RAB3GAP2: variants seen among roughly 807,000 people sequenced by gnomAD.
RAB3GAP2 encodes rab3 GTPase-activating protein non-catalytic subunit.
RAB3GAP2 carries 87 observed loss-of-function variants against 185.3 expected under a neutral mutation model. The observed-to-expected ratio is 0.47, with a 90% confidence interval of 0.39 to 0.56. The LOEUF is 0.56. Ranked by LOEUF, RAB3GAP2 falls within the 20% of genes least tolerant of loss-of-function variation. The pLI, the probability that RAB3GAP2 is intolerant of heterozygous loss-of-function variation, is 0.00. For missense variants in RAB3GAP2, 1,492 were observed against 1,638.2 expected (o/e 0.91, Z 1.54); for synonymous variants, 554 against 576.1 (o/e 0.96, Z 0.55).
At chr1:220,197,470 C>G (rs776796452) in intron 9 of RAB3GAP2, among the ~76,000 whole-genome samples, 3 of 152,080 alleles carry the variant, frequency 2.0e-5, no homozygotes, top group Non-Finnish European at 4.4e-5. Context: ...TTAAAGTGAT[C>G]AAACAAATCC....
intron 1 of RAB3GAP2, among the ~76,000 whole-genome samples, chr1:220,248,961 C>A (rs1571928023): frequency 6.6e-6 from 1 of 152,224 alleles, no homozygotes; most frequent in Admixed American, 6.5e-5. Flanking sequence ...CCTCCCCAGC[C>A]AGGCTCAACT....
intron 1 of RAB3GAP2, among the ~76,000 whole-genome samples, chr1:220,236,796 G>T (rs1434888573): frequency 6.6e-6 from 1 of 152,070 alleles, no homozygotes; most frequent in Admixed American, 6.5e-5. Flanking sequence ...AAGAAGGATG[G>T]TATTCTTTAA....
At chr1:220,193,156 C>A in intron 13 of RAB3GAP2, 84 bp downstream of exon 13, 11 of 1,526,460 alleles carry the variant, frequency 7.2e-6, no homozygotes, top group Non-Finnish European at 1.0e-5. Context: ...GAGTTATCAT[C>A]CAGAAGCTGA....
Position 220,158,490 on chromosome 1 carries a change from G to C in RAB3GAP2, c.3262-614C>G, listed in dbSNP as rs182853637. Among the ~76,000 whole-genome samples, 64 of 151,970 alleles carry C rather than the reference G, an allele frequency of 4.2e-4. No homozygotes were observed. Among genetic ancestry groups the C allele is most frequent in the Admixed American group, 1.3e-3 (20 of 15,272 alleles). On this transcript the variant is annotated intron_variant, in intron 29 of 34. Coordinates refer to ENST00000358951, the MANE Select transcript of RAB3GAP2 (RefSeq NM_012414.4). The surrounding 1 kb of genome is among the most constrained non-coding windows in gnomAD (Gnocchi z 4.3). ...AGTTTCATTCTTGTTGCCCAGGCTG[G>C]AGTACAGTGGCACGATCTCGGCTCA...
chr1:220,218,662 A>G (rs1452973388), intron 2 of RAB3GAP2, among the ~76,000 whole-genome samples: 1 of 152,090 alleles, frequency 6.6e-6, no homozygotes, highest in East Asian at 1.9e-4. Flanking sequence ...TGGGTGCAGC[A>G]CACCAAAATG....
chr1:220,168,936 C>A (rs901848776), intron 24 of RAB3GAP2, among the ~76,000 whole-genome samples: 2 of 152,166 alleles, frequency 1.3e-5, no homozygotes, highest in African/African-American at 2.4e-5. Context: ...CAAATAAAAA[C>A]CTTTCCACAA....
At chr1:220,253,893 G>A in intron 1 of RAB3GAP2, 1 of 1,613,552 alleles carries the variant, frequency 6.2e-7, no homozygotes, top group Non-Finnish European at 8.5e-7. Flanking sequence ...ATGTTGAAGT[G>A]AAAACGAAAA....
intron 1 of RAB3GAP2, among the ~76,000 whole-genome samples, chr1:220,261,401 C>A (rs911910183): frequency 7.2e-5 from 11 of 152,142 alleles, no homozygotes; most frequent in Non-Finnish European, 1.2e-4. Flanking sequence ...TATAAAATAA[C>A]CTCTTATGAA....
At chr1:220,254,193 T>C (rs1037526676) in intron 1 of RAB3GAP2, 14 of 1,613,412 alleles carry the variant, frequency 8.7e-6, no homozygotes, top group South Asian at 1.1e-5. Context: ...GAAACACAGA[T>C]AATAAGGAGT....
At chr1:220,229,663 T>C (rs1378683560) in intron 2 of RAB3GAP2, among the ~76,000 whole-genome samples, 2 of 152,170 alleles carry the variant, frequency 1.3e-5, no homozygotes, top group Non-Finnish European at 2.9e-5. Context: ...CAAAAATCCA[T>C]TACAGAAAAA....
intron 1 of RAB3GAP2, among the ~76,000 whole-genome samples, chr1:220,259,491 TA>T (rs1660094871): frequency 1.3e-5 from 2 of 152,148 alleles, no homozygotes; most frequent in African/African-American, 4.8e-5. Context: ...AAGGACTCCT[TA>T]TTTAATAAAT....
At position 220,232,875 on chromosome 1, in the gene RAB3GAP2, A is replaced by G; in HGVS notation, c.116-12T>C. On this transcript the variant is annotated splice_polypyrimidine_tract_variant and intron_variant, in intron 1 of 34. Transcript: ENST00000358951. Reference sequence around the variant, plus strand: ...GTCTGTTGATTTACCTGTTTTTAAAAAGATGAACAATGCTTGCATGAAATA... The same window carrying G: ...GTCTGTTGATTTACCTGTTTTTAAAGAGATGAACAATGCTTGCATGAAATA... The G allele has an allele frequency of 6.2e-7, 1 of 1,611,200 alleles. No homozygotes were observed. Among genetic ancestry groups the G allele is most frequent in the African/African-American group, 1.3e-5 (1 of 74,960 alleles).
chr1:220,187,020 T>G (rs377341202), intron 17 of RAB3GAP2, among the ~76,000 whole-genome samples: 1 of 152,194 alleles, frequency 6.6e-6, no homozygotes, highest in South Asian at 2.1e-4. Flanking sequence ...AAGACACAAT[T>G]AAAAGTCACA....
intron 33 of RAB3GAP2, 30 bp downstream of exon 33, chr1:220,153,155 C>T: frequency 6.6e-7 from 1 of 1,512,900 alleles, no homozygotes; most frequent in Non-Finnish European, 9.2e-7. Context: ...ATAACTTGAG[C>T]CCAATTAACA....
intron 1 of RAB3GAP2, among the ~76,000 whole-genome samples, chr1:220,250,687 G>T (rs1335722873): frequency 6.6e-6 from 1 of 152,154 alleles, no homozygotes; most frequent in Non-Finnish European, 1.5e-5. Flanking sequence ...GAGGGACCTG[G>T]TGGTAGGTAA....
intron 20 of RAB3GAP2, 82 bp downstream of exon 20, chr1:220,182,635 GA>G (rs1658433359): frequency 1.6e-6 from 2 of 1,273,246 alleles, no homozygotes; most frequent in Admixed American, 5.0e-5. Context: ...AAAACAAATG[GA>G]ATCTCTGAGA....
intron 2 of RAB3GAP2, among the ~76,000 whole-genome samples, chr1:220,218,118 A>C (rs751394431): frequency 1.3e-5 from 2 of 152,228 alleles, no homozygotes; most frequent in Non-Finnish European, 2.9e-5. Context: ...TTTTATTTAC[A>C]TGAAACTTGA....
chr1:220,264,722 T>C (rs1002377522), intron 1 of RAB3GAP2, among the ~76,000 whole-genome samples: 2 of 152,092 alleles, frequency 1.3e-5, no homozygotes, highest in African/African-American at 4.8e-5. Context: ...ATCTGTTGTC[T>C]ATTTTCTCTC....
Position 220,191,181 on chromosome 1 carries a change from T to TGGG in RAB3GAP2, c.1373_1374insCCC (p.Pro458dup). On this transcript the variant is annotated inframe_insertion, in exon 14 of 35. Coordinates refer to ENST00000358951, the MANE Select transcript of RAB3GAP2 (RefSeq NM_012414.4). Reference sequence around the variant, plus strand: ...TCACAAGGAATTGAGCTACTCGACTTGGACCCTGAGAATTTCCAAAGGGGG... The same window carrying TGGG: ...TCACAAGGAATTGAGCTACTCGACTTGGGGGACCCTGAGAATTTCCAAAGGGGG... 1 of 1,614,026 alleles carries TGGG rather than the reference T, an allele frequency of 6.2e-7. No homozygotes were observed. The highest frequency in any genetic ancestry group is 8.5e-7 in the Non-Finnish European group (1 of 1,179,972).
Sources: allele counts gnomAD v4.1 joint callset (sites outside exome capture counted in the v4.1 genomes callset), GRCh38; gene constraint gnomAD v4.1.1; non-coding constraint Gnocchi (gnomAD v3.1); transcripts MANE v1.5; gene names NCBI Gene and HGNC (gene_info 2026-07-23, HGNC 2026-07-21).